Variants in FBXL20 observed in about 807,000 individuals in gnomAD.
The protein encoded by FBXL20 is F-box/LRR-repeat protein 20.
Under a neutral mutation model 64.0 loss-of-function variants are expected in FBXL20, and 11 were observed. The ratio of observed to expected loss-of-function variants is 0.17; its 90% confidence interval spans 0.11 to 0.28. FBXL20 has a LOEUF of 0.28. Ranked by LOEUF, FBXL20 falls within the 10% of genes least tolerant of loss-of-function variation. FBXL20 has a pLI of 1.00. For missense variants in FBXL20, 303 were observed against 526.2 expected (o/e 0.58, Z 4.15); for synonymous variants, 184 against 189.0 (o/e 0.97, Z 0.22).
chr17:39,268,090 G>A (rs2046808302), intron 12 of FBXL20, among the ~76,000 whole-genome samples: 2 of 152,176 alleles, frequency 1.3e-5, no homozygotes, highest in East Asian at 1.9e-4. Flanking sequence ...TGTGGCTCAC[G>A]TCTGTAATCC....
intron 1 of FBXL20, among the ~76,000 whole-genome samples, chr17:39,353,463 A>G (rs1037658030): frequency 3.9e-4 from 59 of 152,264 alleles, no homozygotes; most frequent in African/African-American, 1.4e-3. Flanking sequence ...TGCCTAATTT[A>G]TAAATCATAC....
intron 6 of FBXL20, among the ~76,000 whole-genome samples, chr17:39,294,838 C>G (rs1386656991): frequency 6.6e-6 from 1 of 152,026 alleles, no homozygotes; most frequent in South Asian, 2.1e-4. Flanking sequence ...ATGGTGAAAC[C>G]CTGTCTCTAC....
intron 1 of FBXL20, among the ~76,000 whole-genome samples, chr17:39,360,726 C>G (rs1177234489): frequency 6.6e-6 from 1 of 152,190 alleles, no homozygotes; most frequent in Non-Finnish European, 1.5e-5. Flanking sequence ...GCTGGCCTTG[C>G]TGACCAACAG....
At chr17:39,379,962 A>G (rs1006966701) in intron 1 of FBXL20, among the ~76,000 whole-genome samples, 3 of 152,124 alleles carry the variant, frequency 2.0e-5, no homozygotes, top group African/African-American at 7.2e-5. Context: ...CTGAGTTGAC[A>G]GAGTGAGACC....
chr17:39,300,891 A>G, intron 4 of FBXL20, 110 bp downstream of exon 4: 2 of 1,040,366 alleles, frequency 1.9e-6, no homozygotes, highest in South Asian at 1.6e-5. Context: ...ATGCACTGAA[A>G]ATAATAGTTC....
intron 1 of FBXL20, among the ~76,000 whole-genome samples, chr17:39,353,726 G>A (rs2047710316): frequency 6.6e-6 from 1 of 151,816 alleles, no homozygotes; most frequent in African/African-American, 2.4e-5. Flanking sequence ...AGGTTCAAGC[G>A]ATTCTCCTGC....
intron 12 of FBXL20, among the ~76,000 whole-genome samples, chr17:39,268,613 T>C (rs1256666527): frequency 6.6e-6 from 1 of 152,170 alleles, no homozygotes; most frequent in Non-Finnish European, 1.5e-5. Flanking sequence ...CCTTTCTCTC[T>C]AATGGCAACC....
intron 1 of FBXL20, among the ~76,000 whole-genome samples, chr17:39,370,307 A>G (rs2144633546): frequency 6.7e-6 from 1 of 148,300 alleles, no homozygotes; most frequent in Middle Eastern, 3.6e-3. Context: ...CCTGGCCAAC[A>G]TGGCAAAACC....
At chr17:39,315,529 G>C (rs1299127072) in intron 2 of FBXL20, among the ~76,000 whole-genome samples, 1 of 151,580 alleles carries the variant, frequency 6.6e-6, no homozygotes, top group African/African-American at 2.4e-5. Context: ...ATCAATGCCA[G>C]GTTAGAGGTT....
chr17:39,344,021 G>T (rs2047608235), intron 1 of FBXL20, among the ~76,000 whole-genome samples: 1 of 152,008 alleles, frequency 6.6e-6, no homozygotes, highest in African/African-American at 2.4e-5. Context: ...CTGCCACGGT[G>T]CCCAGCTAAT....
intron 6 of FBXL20, among the ~76,000 whole-genome samples, chr17:39,290,094 T>C (rs912104321): frequency 1.3e-5 from 2 of 152,106 alleles, no homozygotes; most frequent in East Asian, 3.8e-4. Context: ...TAATTTTTGT[T>C]AGTGATCATT....
At chr17:39,335,984 A>G (rs948408701) in intron 2 of FBXL20, among the ~76,000 whole-genome samples, 1 of 152,148 alleles carries the variant, frequency 6.6e-6, no homozygotes, top group African/African-American at 2.4e-5. Flanking sequence ...CTACAAAAGA[A>G]AACAACATGC....
intron 2 of FBXL20, among the ~76,000 whole-genome samples, 172 bp downstream of exon 2, chr17:39,343,007 TA>T (rs2047597435): frequency 6.6e-6 from 1 of 152,234 alleles, no homozygotes; most frequent in African/African-American, 2.4e-5. Flanking sequence ...AATTTTGAAA[TA>T]TCTTGATTGA....
Position 39,258,415 on chromosome 17 carries a change from G to C in FBXL20, c.*3045C>G, listed in dbSNP as rs2046713813. 1 of 152,224 alleles carries C rather than the reference G, an allele frequency of 6.6e-6. No homozygotes were observed. Among genetic ancestry groups the C allele is most frequent in the African/African-American group, 2.4e-5 (1 of 41,466 alleles). 9.4% of individuals were successfully genotyped at this position (152,224 alleles called of 1,614,324 possible). A position where few individuals can be genotyped will look rare whatever the true frequency, so the allele number is the denominator to read the frequency against. On this transcript the variant is annotated 3_prime_UTR_variant, in exon 15 of 15. Transcript: ENST00000264658. ...AGCTTGATAGGCCTGAAGTTTTCTTGAGAAAGGAACAAGGCTTCTGCCTGA... is the reference window on the plus strand; with the variant it reads ...AGCTTGATAGGCCTGAAGTTTTCTTCAGAAAGGAACAAGGCTTCTGCCTGA...
chr17:39,307,926 G>A (rs1436079025), intron 2 of FBXL20, among the ~76,000 whole-genome samples: 2 of 149,102 alleles, frequency 1.3e-5, no homozygotes, highest in Non-Finnish European at 3.0e-5. Flanking sequence ...AGCTGAGATG[G>A]CTCCACTGCA....
At chr17:39,282,667 T>C in intron 8 of FBXL20, 62 bp downstream of exon 8, 3 of 1,610,884 alleles carry the variant, frequency 1.9e-6, no homozygotes, top group South Asian at 1.1e-5. Flanking sequence ...GGGCTGTCTA[T>C]AAAGAGCTCA....
Position 39,261,300 on chromosome 17 carries a change from G to T in FBXL20, c.*160C>A. The stretch of plus-strand genomic sequence containing the variant: ...CTAGAGTGGATGGGGGTAAGGGTGT[G>T]TATGTGTATGTATGTGTGGCTCTGG... On this transcript the variant is annotated 3_prime_UTR_variant, in exon 15 of 15. Coordinates refer to ENST00000264658, the MANE Select transcript of FBXL20 (RefSeq NM_032875.3). 1.5e-6 allele frequency: 1 copy of T among 647,454 alleles called. No individual in the cohort carries two copies. The highest frequency in any genetic ancestry group is 2.8e-6 in the Non-Finnish European group (1 of 353,916). The allele number at this position is 647,454 out of a possible 1,614,324, so 40.1% of individuals were successfully genotyped here. A position where few individuals can be genotyped will look rare whatever the true frequency, so the allele number is the denominator to read the frequency against.
chr17:39,269,176 A>G (rs1757029176), intron 11 of FBXL20, among the ~76,000 whole-genome samples: 3 of 151,676 alleles, frequency 2.0e-5, no homozygotes, highest in Non-Finnish European at 2.9e-5. Context: ...ACACCTGGCT[A>G]ATTTTTGTAT....
chr17:39,357,851 T>C (rs142570718), intron 1 of FBXL20, among the ~76,000 whole-genome samples: 8 of 152,370 alleles, frequency 5.3e-5, no homozygotes, highest in Middle Eastern at 3.4e-3. Flanking sequence ...CTTGAAGTAC[T>C]TCCTTTAGTA....
Sources: gnomAD v4.1 joint callset for allele counts (sites outside exome capture counted in the v4.1 genomes callset) on GRCh38, gnomAD v4.1.1 for gene constraint, MANE v1.5 for transcripts, NCBI Gene and HGNC (gene_info 2026-07-23, HGNC 2026-07-21) for gene names.